The following DOP1B variants were observed in gnomAD, a reference collection of about 807,000 sequenced individuals.
DOP1B encodes the protein protein DOP1B.
A neutral mutation model predicts 233.5 loss-of-function variants in DOP1B; 174 were observed. The ratio of observed to expected loss-of-function variants is 0.75; its 90% CI spans 0.66 to 0.85. The LOEUF (loss-of-function observed/expected upper bound fraction) is 0.85, where lower values mean the gene tolerates loss of function less well. Among genes scored for constraint, DOP1B ranks in the 40% least tolerant of loss-of-function variants. The pLI, the probability that DOP1B is intolerant of heterozygous loss-of-function variation, is 0.00. For missense variants in DOP1B, 2,652 were observed against 2,846.6 expected, an observed-to-expected ratio of 0.93 and a Z score of 1.56; for synonymous variants, 1,190 against 1,185.6, an observed-to-expected ratio of 1.00 and a Z score of -0.08.
chr21:36,161,571 C>T (rs1439472229), intron 1 of DOP1B, among the ~76,000 whole-genome samples: 1 of 152,058 alleles, frequency 6.6e-6, no homozygotes, highest in Admixed American at 6.6e-5. Context: ...CCAGGCTGGT[C>T]ACAACCTCCG....
chr21:36,169,723 C>G (rs2065953735), intron 2 of DOP1B: 1 of 998,866 alleles, frequency 1.0e-6, no homozygotes, highest in African/African-American at 1.6e-5. Flanking sequence ...AGTGCTTCCT[C>G]ATGCTGCTGA....
intron 26 of DOP1B, 69 bp downstream of exon 26, chr21:36,263,883 C>A: frequency 1.4e-6 from 2 of 1,425,938 alleles, no homozygotes; most frequent in Non-Finnish European, 2.0e-6. Flanking sequence ...TGGGGGATAT[C>A]AGATAGCAGG....
In DOP1B at chr21:36,288,052, A is replaced by G. The variant is rs779854413; in HGVS notation, c.6199A>G (p.Ile2067Val). The G allele has an allele frequency of 5.0e-6, 8 of 1,614,108 alleles. No homozygotes were observed. The Admixed American group carries it at 6.7e-5, about 13-fold the overall frequency. ...CAATCTCAGAGTTGGACAGACATCC[A>G]TAGTTGCTGCTCAGATGTTTCTTTT... ...TDNLRVGQTS[I>V]VAAQMFLFFR... is the part of the protein sequence containing the mutation. Residue 2067 changes from isoleucine to valine, a missense_variant, in exon 33 of 37, where the codon ATA becomes GTA. This residue lies in a region of DOP1B where 2,617 missense variants were observed against 2,794.3 expected (regional missense o/e 0.94). Transcript: ENST00000691173.
chr21:36,216,777 A>G (rs2066564711), intron 9 of DOP1B, among the ~76,000 whole-genome samples: 1 of 152,040 alleles, frequency 6.6e-6, no homozygotes, highest in Admixed American at 6.6e-5. Flanking sequence ...TTTGCAGAGG[A>G]CAAGAGAGCT....
chr21:36,287,793 G>A (rs2067503544), intron 32 of DOP1B, among the ~76,000 whole-genome samples: 3 of 151,628 alleles, frequency 2.0e-5, no homozygotes, highest in Non-Finnish European at 2.9e-5. Flanking sequence ...TACCATATTG[G>A]CCAGGCTGGC....
Position 36,292,229 on chromosome 21 carries a change from T to G in DOP1B, c.6641T>G (p.Phe2214Cys). The change falls in exon 36 of 37, where the codon TTT becomes TGT. Residue 2214 changes from phenylalanine (F) to cysteine (C), a missense_variant. By Grantham distance (205) the Phe-to-Cys change is radical (BLOSUM62 -2). This residue lies in a region of DOP1B where 2,617 missense variants were observed against 2,794.3 expected (regional missense o/e 0.94). Coordinates refer to ENST00000691173, the MANE Select transcript of DOP1B (RefSeq NM_001320714.2). ...VRILELLKLK[F>C]GEISSSDEIT... is the part of the protein sequence containing the mutation. ...ATTCTAGAACTTCTAAAATTAAAGT[T>G]TGGGGTAAGTGCTTTTCTTTTCTTT... The G allele has an allele frequency of 6.3e-7, 1 of 1,584,454 alleles. No homozygotes were observed. Among genetic ancestry groups the G allele is most frequent in the Non-Finnish European group, 8.5e-7 (1 of 1,171,368 alleles).
intron 9 of DOP1B, among the ~76,000 whole-genome samples, chr21:36,215,316 G>A (rs1439041346): frequency 6.6e-6 from 1 of 152,124 alleles, no homozygotes; most frequent in Non-Finnish European, 1.5e-5. Flanking sequence ...GGTCACCAAA[G>A]GCTCCCTTCT....
chr21:36,259,361 C>T (rs540592798), intron 23 of DOP1B, among the ~76,000 whole-genome samples: 1 of 151,596 alleles, frequency 6.6e-6, no homozygotes, highest in East Asian at 1.9e-4. Context: ...ACCTCTGCCT[C>T]CTGGGTTCAA....
At chr21:36,191,020 C>A (rs566768166) in intron 2 of DOP1B, among the ~76,000 whole-genome samples, 1 of 152,250 alleles carries the variant, frequency 6.6e-6, no homozygotes, top group East Asian at 1.9e-4. Context: ...CAAGACCGAC[C>A]ATGAGGGCAG....
At chr21:36,175,868 G>A (rs974997434) in intron 2 of DOP1B, 1 of 152,314 alleles carries the variant, frequency 6.6e-6, no homozygotes, top group African/African-American at 2.4e-5. Context: ...AGGTCAGGAA[G>A]GGCTTTGCCA....
intron 35 of DOP1B, among the ~76,000 whole-genome samples, chr21:36,290,525 G>A (rs540418427): frequency 2.6e-5 from 4 of 151,356 alleles, no homozygotes; most frequent in South Asian, 2.1e-4. Flanking sequence ...TAGGCCAGGC[G>A]CGATGGCTCA....
chr21:36,247,029 A>G (rs1177411287), intron 19 of DOP1B, among the ~76,000 whole-genome samples: 1 of 152,012 alleles, frequency 6.6e-6, no homozygotes, highest in African/African-American at 2.4e-5. Flanking sequence ...ACAGGTGCCT[A>G]CCGCCACATC....
intron 36 of DOP1B, 149 bp from the exon 37 acceptor site, chr21:36,293,171 A>G (rs1161915576): frequency 2.6e-6 from 2 of 777,490 alleles, no homozygotes; most frequent in Admixed American, 6.0e-5. Context: ...ACGCTGCTGC[A>G]CTCCAGCCTG....
Position 36,162,000 on chromosome 21 carries a change from G to T in DOP1B, c.-26-2708G>T, listed in dbSNP as rs570589163. Among the ~76,000 whole-genome samples, 10 of 152,310 alleles carry T rather than the reference G, an allele frequency of 6.6e-5. No individual in the cohort carries two copies. In the South Asian group the frequency reaches 1.9e-3, roughly 28 times the overall value. On this transcript the variant is annotated intron_variant, in intron 1 of 36. Transcript: ENST00000691173. The stretch of plus-strand genomic sequence containing the variant: ...GACCATATTTTGTGGATGGATGCTT[G>T]TCTTAGTTAATTCAGGCTGCTCCAA...
chr21:36,290,828 G>A (rs1362787499), intron 35 of DOP1B, among the ~76,000 whole-genome samples: 3 of 150,432 alleles, frequency 2.0e-5, no homozygotes, highest in African/African-American at 7.3e-5. Flanking sequence ...AAATTAGCCA[G>A]ATGTGGTGGT....
chr21:36,213,005 C>G (rs551976645), intron 7 of DOP1B, among the ~76,000 whole-genome samples: 1 of 152,188 alleles, frequency 6.6e-6, no homozygotes, highest in African/African-American at 2.4e-5. Flanking sequence ...TGATCTTGGA[C>G]TCTTGACCTC....
At chr21:36,265,829 C>T (rs867036126) in intron 26 of DOP1B, among the ~76,000 whole-genome samples, 1 of 152,210 alleles carries the variant, frequency 6.6e-6, no homozygotes, top group Non-Finnish European at 1.5e-5. Context: ...ACCACACTCT[C>T]GTAACATAGA....
At chr21:36,258,944 A>AC (rs1447343628) in intron 23 of DOP1B, among the ~76,000 whole-genome samples, 1 of 150,680 alleles carries the variant, frequency 6.6e-6, no homozygotes, top group African/African-American at 2.4e-5. Context: ...TCTTCCAAGA[A>AC]CGTATGGTCA....
chr21:36,172,271 C>T (rs1373283050), intron 2 of DOP1B, among the ~76,000 whole-genome samples: 1 of 152,124 alleles, frequency 6.6e-6, no homozygotes, highest in East Asian at 1.9e-4. Context: ...CCAAGAATTC[C>T]CCGGGCCGTC....
Sources: gnomAD v4.1 joint callset for allele counts (sites outside exome capture counted in the v4.1 genomes callset) on GRCh38, gnomAD v4.1.1 for gene constraint, gnomAD v4.1.1 regional missense constraint, MANE v1.5 for transcripts, NCBI Gene and HGNC (gene_info 2026-07-23, HGNC 2026-07-21) for gene names.